FGGY: variants seen among roughly 807,000 people sequenced by gnomAD.
FGGY encodes the protein FGGY carbohydrate kinase domain-containing protein.
FGGY carries 72 observed loss-of-function variants against 71.3 expected under a neutral mutation model. That is an observed-to-expected ratio of 1.01 (90% CI 0.84 to 1.23). The LOEUF (loss-of-function observed/expected upper bound fraction) is 1.23, where lower values mean the gene tolerates loss of function less well. Among genes scored for constraint, FGGY ranks in the 50% most tolerant of loss-of-function variants. The pLI, the probability that FGGY is intolerant of heterozygous loss-of-function variation, is 0.00. For missense variants in FGGY, 668 were observed against 682.3 expected, an observed-to-expected ratio of 0.98 and a Z score of 0.23; for synonymous variants, 251 against 250.3, an observed-to-expected ratio of 1.00 and a Z score of -0.02.
intron 2 of FGGY, among the ~76,000 whole-genome samples, chr1:59,333,793 C>T (rs192509418): frequency 6.6e-6 from 1 of 152,246 alleles, no homozygotes; most frequent in Non-Finnish European, 1.5e-5. Flanking sequence ...TGAGGCCATA[C>T]TGCCTGTCAG....
rs966906594 is a variant in FGGY at position 59,417,245 on chromosome 1, A to G, written c.554+38408A>G. ...TTTCAGGGTTCATCTATGTTGTAGT[A>G]TGTGCCAGTAATTTTTTTATCAGTT... On this transcript the variant is annotated intron_variant, in intron 5 of 15. Transcript: ENST00000303721. Among the ~76,000 whole-genome samples the G allele has an allele frequency of 2.2e-4, 33 of 149,910 alleles. 1 individual carries two copies. The highest frequency in any genetic ancestry group is 6.8e-4 in the African/African-American group (27 of 39,586).
At chr1:59,639,888 C>T (rs939303970) in intron 11 of FGGY, among the ~76,000 whole-genome samples, 1 of 152,118 alleles carries the variant, frequency 6.6e-6, no homozygotes, top group Non-Finnish European at 1.5e-5. Context: ...TTTTTTAAAA[C>T]CAATCCTGAC....
chr1:59,341,632 G>T (rs1285232980), intron 3 of FGGY, among the ~76,000 whole-genome samples: 1 of 152,170 alleles, frequency 6.6e-6, no homozygotes, highest in Non-Finnish European at 1.5e-5. Flanking sequence ...CTTGGTGGCT[G>T]TTCATTGGCT....
chr1:59,584,288 G>T (rs1223576276), intron 8 of FGGY, among the ~76,000 whole-genome samples: 1 of 149,672 alleles, frequency 6.7e-6, no homozygotes, highest in African/African-American at 2.5e-5. Context: ...CTGGCAAACC[G>T]AATTCAGCAG....
At chr1:59,636,713 C>T (rs1466001052) in intron 10 of FGGY, among the ~76,000 whole-genome samples, 1 of 152,092 alleles carries the variant, frequency 6.6e-6, no homozygotes, top group African/African-American at 2.4e-5. Flanking sequence ...ATGCTCTACT[C>T]ATTGGTTTGT....
chr1:59,597,457 A>T (rs2096535119), intron 8 of FGGY, among the ~76,000 whole-genome samples: 1 of 152,104 alleles, frequency 6.6e-6, no homozygotes. Flanking sequence ...AGCCATTATA[A>T]CCTCTGTACC....
intron 4 of FGGY, among the ~76,000 whole-genome samples, chr1:59,375,339 A>C (rs1340031117): frequency 6.6e-6 from 1 of 151,990 alleles, no homozygotes; most frequent in Non-Finnish European, 1.5e-5. Flanking sequence ...TGGCATCTCA[A>C]GGTAAGGGAT....
At chr1:59,534,206 C>T (rs1030048048) in intron 7 of FGGY, among the ~76,000 whole-genome samples, 43 of 152,016 alleles carry the variant, frequency 2.8e-4, no homozygotes, top group African/African-American at 8.7e-4. Flanking sequence ...GGAGCCGATG[C>T]GATCACCTAG....
chr1:59,373,462 G>A (rs1192423150), intron 4 of FGGY, among the ~76,000 whole-genome samples: 5 of 152,098 alleles, frequency 3.3e-5, no homozygotes, highest in African/African-American at 4.8e-5. Context: ...AATCAATATC[G>A]TGAAAATGGC....
At chr1:59,651,543 A>G (rs1189893918) in intron 11 of FGGY, among the ~76,000 whole-genome samples, 4 of 145,180 alleles carry the variant, frequency 2.8e-5, no homozygotes, top group Non-Finnish European at 4.5e-5. Flanking sequence ...TGTTGGTTTA[A>G]AGTCTGTTTT....
intron 5 of FGGY, among the ~76,000 whole-genome samples, chr1:59,456,000 A>G (rs1023012611): frequency 6.6e-6 from 1 of 152,242 alleles, no homozygotes; most frequent in Non-Finnish European, 1.5e-5. Context: ...TCCTCCTATT[A>G]AATATTGCCT....
chr1:59,374,635 G>C (rs1447522124), intron 4 of FGGY, among the ~76,000 whole-genome samples: 10 of 152,070 alleles, frequency 6.6e-5, no homozygotes, highest in East Asian at 1.9e-4. Flanking sequence ...TTCACAATAG[G>C]AAAGACTTGG....
intron 14 of FGGY, among the ~76,000 whole-genome samples, chr1:59,721,170 C>T (rs781593923): frequency 1.3e-5 from 2 of 152,044 alleles, no homozygotes; most frequent in Non-Finnish European, 2.9e-5. Context: ...ATGTTTTTTT[C>T]TCCCTAGTAC....
chr1:59,571,673 A>G (rs1395529261), intron 8 of FGGY, among the ~76,000 whole-genome samples: 1 of 152,154 alleles, frequency 6.6e-6, no homozygotes, highest in East Asian at 1.9e-4. Flanking sequence ...ATTATTTTTT[A>G]TAATAGCTAC....
At chr1:59,623,762 C>G (rs531350287) in intron 9 of FGGY, among the ~76,000 whole-genome samples, 1 of 152,270 alleles carries the variant, frequency 6.6e-6, no homozygotes, top group East Asian at 1.9e-4. Flanking sequence ...TGCTGCTATG[C>G]ATCATAACTA....
chr1:59,661,158 A>G lies in FGGY; in HGVS notation c.1296+865A>G, dbSNP rs148810660. ...GTTTTAAGCAAATATGTTTAATGCT[A>G]TACGTACATATATGATATTCAATTA... On this transcript the variant is annotated intron_variant, in intron 12 of 15. Coordinates refer to ENST00000303721, the MANE Select transcript of FGGY (RefSeq NM_018291.5). Among the ~76,000 whole-genome samples the G allele has an allele frequency of 2.6e-3, 401 of 152,358 alleles. 4 individuals carry two copies. Among genetic ancestry groups the G allele is most frequent in the African/African-American group, 9.1e-3 (380 of 41,586 alleles).
Position 59,574,592 on chromosome 1 carries a change from TA to T in FGGY, c.903+20370del, listed in dbSNP as rs577815042. On this transcript the variant is annotated intron_variant, in intron 8 of 15. Coordinates refer to ENST00000303721, the MANE Select transcript of FGGY (RefSeq NM_018291.5). ...ATTTAAATGTGTTTTTTAAGGTACA[TA>T]AAAATAAAGTATTAATTTATTTGGA... Among the ~76,000 whole-genome samples, 200 of 152,282 alleles carry T rather than the reference TA, an allele frequency of 1.3e-3. 2 individuals are homozygous for T. The highest frequency in any genetic ancestry group is 4.5e-3 in the African/African-American group (187 of 41,578).
intron 2 of FGGY, among the ~76,000 whole-genome samples, chr1:59,337,005 G>A (rs2049685998): frequency 7.1e-6 from 1 of 141,682 alleles, no homozygotes; most frequent in African/African-American, 2.9e-5. Flanking sequence ...GTACATGTAT[G>A]TATATGTATA....
intron 11 of FGGY, among the ~76,000 whole-genome samples, chr1:59,646,170 C>T (rs961374336): frequency 3.3e-5 from 5 of 152,112 alleles, no homozygotes; most frequent in African/African-American, 7.2e-5. Flanking sequence ...GTGGCTTTTC[C>T]GATAGGGAGA....
Sources: allele counts gnomAD v4.1 joint callset (sites outside exome capture counted in the v4.1 genomes callset), GRCh38; gene constraint gnomAD v4.1.1; transcripts MANE v1.5; gene names NCBI Gene and HGNC (gene_info 2026-07-23, HGNC 2026-07-21).